Variants in GLRA3 observed in about 807,000 individuals in gnomAD.
GLRA3 encodes the protein glycine receptor alpha 3, also known as glycine receptor subunit alpha-3.
GLRA3 carries 44 observed loss-of-function variants against 60.4 expected under a neutral mutation model. The observed-to-expected ratio is 0.73, with a 90% CI of 0.57 to 0.94. GLRA3 has a LOEUF of 0.94. GLRA3 is among the 40% of genes least tolerant of loss of function. The probability of loss-of-function intolerance (pLI) is 0.00; values close to 1 mark genes in which losing one functional copy is unlikely to be tolerated. For synonymous variants in GLRA3, 223 were observed against 192.9 expected (o/e 1.16, Z -1.29); for missense variants, 508 against 564.6 (o/e 0.90, Z 1.02).
At chr4:174,763,730 C>A (rs1444011555) in intron 3 of GLRA3, among the ~76,000 whole-genome samples, 1 of 152,228 alleles carries the variant, frequency 6.6e-6, no homozygotes, top group East Asian at 1.9e-4. Context: ...CTTTTATCAT[C>A]ACAGTTTAAA....
At chr4:174,656,430 G>A (rs997743383) in intron 9 of GLRA3, among the ~76,000 whole-genome samples, 4 of 151,708 alleles carry the variant, frequency 2.6e-5, no homozygotes, top group Non-Finnish European at 5.9e-5. Flanking sequence ...TTCTTCTCTG[G>A]TGATTATTAC....
intron 1 of GLRA3, among the ~76,000 whole-genome samples, chr4:174,790,638 A>G (rs1739296846): frequency 6.6e-6 from 1 of 151,726 alleles, no homozygotes; most frequent in Non-Finnish European, 1.5e-5. Flanking sequence ...AAATATACCA[A>G]TTTATCTTGA....
At chr4:174,741,647 A>C (rs1737032094) in intron 3 of GLRA3, among the ~76,000 whole-genome samples, 1 of 152,088 alleles carries the variant, frequency 6.6e-6, no homozygotes, top group African/African-American at 2.4e-5. Flanking sequence ...GTTATATCTA[A>C]GAGCTCGTTA....
chr4:174,704,238 G>T lies in GLRA3; in HGVS notation c.574+11250C>A, dbSNP rs931163346. 5.6e-5 allele frequency among the ~76,000 whole-genome samples: 8 copies of T among 143,644 alleles called. 2 individuals carry two copies. The highest frequency in any genetic ancestry group is 9.3e-5 in the Non-Finnish European group (6 of 64,662). 94.2% of individuals were successfully genotyped at this position (143,644 alleles called of 152,430 possible). ...TGAGCCTGGAGGTGGAGGTTGCAGT[G>T]AGCTGAGGTCACACCACTGCACTCC... On this transcript the variant is annotated intron_variant, in intron 5 of 9. Transcript: ENST00000274093.
intron 4 of GLRA3, among the ~76,000 whole-genome samples, chr4:174,721,736 T>C (rs550459222): frequency 6.6e-5 from 10 of 151,046 alleles, no homozygotes; most frequent in Non-Finnish European, 1.3e-4. Flanking sequence ...AAATGCCATA[T>C]AACTAAGAGG....
chr4:174,651,286 A>T (rs1733012830), intron 9 of GLRA3, among the ~76,000 whole-genome samples: 1 of 152,190 alleles, frequency 6.6e-6, no homozygotes, highest in African/African-American at 2.4e-5. Flanking sequence ...ACATTTAATT[A>T]TTAAAGATGA....
chr4:174,685,219 C>A (rs890259267), intron 5 of GLRA3, among the ~76,000 whole-genome samples: 1 of 151,804 alleles, frequency 6.6e-6, no homozygotes, highest in Non-Finnish European at 1.5e-5. Context: ...ACCTTCCACC[C>A]TCCCCAATAC....
rs907917192 is a variant in GLRA3, at chr4:174,704,170, C to T, written c.574+11318G>A. Among the ~76,000 whole-genome samples the T allele has an allele frequency of 1.4e-5, 2 of 142,708 alleles. 1 individual carries two copies. Among genetic ancestry groups the T allele is most frequent in the Non-Finnish European group, 3.1e-5 (2 of 64,350 alleles). 93.6% of individuals were successfully genotyped at this position (142,708 alleles called of 152,430 possible). On this transcript the variant is annotated intron_variant, in intron 5 of 9. Transcript: ENST00000274093. ...ATTAGCCAGATGTAGTGGTGTATGT[C>T]TGTAGTCCCAGCTACTTGGGAAGCT...
At chr4:174,774,352 A>ATG (rs754216626) in intron 2 of GLRA3, among the ~76,000 whole-genome samples, 1 of 146,930 alleles carries the variant, frequency 6.8e-6, no homozygotes, top group Non-Finnish European at 1.5e-5. Context: ...GTGTAAATGT[A>ATG]TGTGTGTGTG....
chr4:174,675,182 C>G (rs1252700780), intron 7 of GLRA3, among the ~76,000 whole-genome samples: 1 of 152,106 alleles, frequency 6.6e-6, no homozygotes, highest in African/African-American at 2.4e-5. Flanking sequence ...TCTCTATGAT[C>G]AGAGAGATAG....
At chr4:174,678,116 A>C (rs1450794555) in intron 6 of GLRA3, among the ~76,000 whole-genome samples, 1 of 152,216 alleles carries the variant, frequency 6.6e-6, no homozygotes, top group African/African-American at 2.4e-5. Flanking sequence ...ATTTCCCATT[A>C]ATAAATTTGA....
At chr4:174,795,778 G>T (rs544984267) in intron 1 of GLRA3, among the ~76,000 whole-genome samples, 3 of 152,256 alleles carry the variant, frequency 2.0e-5, no homozygotes, top group South Asian at 4.1e-4. Flanking sequence ...TCTTTAAAGT[G>T]TTCACAGTTC....
intron 6 of GLRA3, among the ~76,000 whole-genome samples, chr4:174,680,276 A>G (rs1156807668): frequency 6.6e-6 from 1 of 152,204 alleles, no homozygotes; most frequent in East Asian, 1.9e-4. Context: ...AGATAAAAGA[A>G]CAAGTTGGAC....
chr4:174,643,634 G>C lies in GLRA3; in HGVS notation c.*152C>G. 7.2e-7 allele frequency: 1 copy of C among 1,393,908 alleles called. No individual in the cohort carries two copies. Among genetic ancestry groups the C allele is most frequent in the Non-Finnish European group, 9.3e-7 (1 of 1,072,018 alleles). The allele number at this position is 1,393,908 out of a possible 1,614,324, so 86.3% of individuals were successfully genotyped here. Reference sequence around the variant, plus strand: ...AGAATCTCATCTTTCTCATGACTTTGCATAGCTAACCAAAATACAAAGCTT... The same window carrying C: ...AGAATCTCATCTTTCTCATGACTTTCCATAGCTAACCAAAATACAAAGCTT... On this transcript the variant is annotated 3_prime_UTR_variant, in exon 10 of 10. Transcript: ENST00000274093.
At position 174,652,378 on chromosome 4, in the gene GLRA3, G is replaced by A. The variant is rs1733051641; in HGVS notation, c.1116+4365C>T. On this transcript the variant is annotated intron_variant, in intron 9 of 9. Coordinates refer to ENST00000274093, the MANE Select transcript of GLRA3 (RefSeq NM_006529.4). ...CAATATTTAGTGGTTATAAAATTAA[G>A]GCCCTTGACAACATAAAATATAGAA... Among the ~76,000 whole-genome samples, 8 of 152,062 alleles carry A rather than the reference G, an allele frequency of 5.3e-5. No individual in the cohort carries two copies. In the South Asian group the frequency reaches 1.5e-3, roughly 28 times the overall value.
At chr4:174,822,250 A>T (rs79825948) in intron 1 of GLRA3, among the ~76,000 whole-genome samples, 75 of 152,308 alleles carry the variant, frequency 4.9e-4, no homozygotes, top group Non-Finnish European at 8.2e-4. Flanking sequence ...ATATTCAGGT[A>T]GAATGCCATG....
At chr4:174,796,823 C>T (rs1227944429) in intron 1 of GLRA3, among the ~76,000 whole-genome samples, 1 of 152,136 alleles carries the variant, frequency 6.6e-6, no homozygotes, top group Admixed American at 6.5e-5. Context: ...GCATAAGCCA[C>T]CGCGCCTGGC....
chr4:174,773,211 A>G (rs1466008584), intron 2 of GLRA3, among the ~76,000 whole-genome samples: 2 of 152,164 alleles, frequency 1.3e-5, no homozygotes, highest in Non-Finnish European at 2.9e-5. Context: ...TAGCATCCAT[A>G]TGGCAAATTG....
chr4:174,783,255 T>C (rs1420434906), intron 2 of GLRA3, among the ~76,000 whole-genome samples: 1 of 145,936 alleles, frequency 6.9e-6, no homozygotes, highest in Non-Finnish European at 1.5e-5. Context: ...CTGGGAAAAC[T>C]GGCTAGCCAT....
Sources: allele counts gnomAD v4.1 joint callset (sites outside exome capture counted in the v4.1 genomes callset), GRCh38; gene constraint gnomAD v4.1.1; transcripts MANE v1.5; gene names NCBI Gene and HGNC (gene_info 2026-07-23, HGNC 2026-07-21).